ELAPOR2: variants seen among roughly 807,000 people sequenced by gnomAD.
ELAPOR2 encodes the protein endosome/lysosome-associated apoptosis and autophagy regulator family member 2.
ELAPOR2 carries 89 observed loss-of-function variants against 120.7 expected under a neutral mutation model. That is an observed-to-expected ratio of 0.74 (90% CI 0.62 to 0.88). The LOEUF is 0.88. Ranked by LOEUF, ELAPOR2 falls within the 40% of genes least tolerant of loss-of-function variation. The probability of loss-of-function intolerance (pLI) is 0.00; values close to 1 mark genes in which losing one functional copy is unlikely to be tolerated. For missense variants in ELAPOR2, 1,134 were observed against 1,251.6 expected, an observed-to-expected ratio of 0.91 and a Z score of 1.42; for synonymous variants, 444 against 444.9, an observed-to-expected ratio of 1.00 and a Z score of 0.03.
chr7:86,945,677 T>G (rs995852019), intron 3 of ELAPOR2, among the ~76,000 whole-genome samples: 2 of 152,168 alleles, frequency 1.3e-5, no homozygotes, highest in African/African-American at 4.8e-5. Flanking sequence ...TGTTGTAAAA[T>G]TTAACATTAT....
intron 1 of ELAPOR2, among the ~76,000 whole-genome samples, chr7:87,026,734 T>C (rs965513761): frequency 1.3e-5 from 2 of 152,110 alleles, no homozygotes; most frequent in Non-Finnish European, 1.5e-5. Context: ...ATGGGGTCTC[T>C]ACAGTCATTA....
In ELAPOR2 at chr7:86,909,815, T is replaced by C. The variant is rs1408731116; in HGVS notation, c.2356A>G (p.Ile786Val). Residue 786 changes from isoleucine to valine, a missense_variant, in exon 16 of 22, where the codon ATA becomes GTA. Around this residue, in one of 3 missense-constraint regions of ELAPOR2, gnomAD observed 831 missense variants for 867.6 expected, o/e 0.96. Transcript: ENST00000450689. ...SQSIILADTFIGVTVETTLKN... is the reference protein window; with the variant it reads ...SQSIILADTFVGVTVETTLKN... ...ATATGAACCAAAGGAAGCTTACCTATGAATGTATCTGCCAGAATGATGGAT... is the reference window on the plus strand; with the variant it reads ...ATATGAACCAAAGGAAGCTTACCTACGAATGTATCTGCCAGAATGATGGAT... 3.1e-6 allele frequency: 5 copies of C among 1,606,834 alleles called. No individual in the cohort carries two copies. Among genetic ancestry groups the C allele is most frequent in the Non-Finnish European group, 4.2e-6 (5 of 1,176,660 alleles).
At chr7:86,891,587 A>G in intron 21 of ELAPOR2, 137 bp downstream of exon 21, 1 of 645,920 alleles carries the variant, frequency 1.5e-6, no homozygotes, top group South Asian at 2.5e-5. Context: ...ATGTGCTTCT[A>G]AGAGTATTTC....
chr7:86,893,618 A>T (rs1469641508), intron 19 of ELAPOR2, among the ~76,000 whole-genome samples: 2 of 152,084 alleles, frequency 1.3e-5, no homozygotes, highest in Non-Finnish European at 2.9e-5. Context: ...ATACAGGTGC[A>T]CCACGGCTGG....
At chr7:86,997,419 C>T (rs1234458267) in intron 1 of ELAPOR2, among the ~76,000 whole-genome samples, 2 of 152,116 alleles carry the variant, frequency 1.3e-5, no homozygotes, top group East Asian at 3.8e-4. Context: ...CATCCTCCAC[C>T]TCTCATACGG....
At chr7:87,031,267 A>C (rs1794416468) in intron 1 of ELAPOR2, among the ~76,000 whole-genome samples, 1 of 152,196 alleles carries the variant, frequency 6.6e-6, no homozygotes, top group Non-Finnish European at 1.5e-5. Flanking sequence ...TAGAAACATA[A>C]TTTCAATTAG....
At chr7:87,058,296 A>G (rs1192211270) in intron 1 of ELAPOR2, among the ~76,000 whole-genome samples, 1 of 151,844 alleles carries the variant, frequency 6.6e-6, no homozygotes, top group Non-Finnish European at 1.5e-5. Flanking sequence ...TTCTTCCCAG[A>G]GGGGCTATTG....
intron 1 of ELAPOR2, among the ~76,000 whole-genome samples, chr7:87,029,531 A>T (rs1398423432): frequency 6.6e-6 from 1 of 152,214 alleles, no homozygotes; most frequent in African/African-American, 2.4e-5. Flanking sequence ...GGAGCCATAA[A>T]TATTATTTTG....
In ELAPOR2 at chr7:86,918,433, T is replaced by C. The variant is rs1283634484; in HGVS notation, c.1593+9A>G. 4 of 1,576,538 alleles carry C rather than the reference T, an allele frequency of 2.5e-6. No homozygotes were observed. The African/African-American group carries it at 4.1e-5, about 16-fold the overall frequency. ...GAAATCTGCCTTTGAAAGCCGCCCG[T>C]CCACTTACCACCATGAAGTACAAAA... On this transcript the variant is annotated intron_variant, in intron 12 of 21. Coordinates refer to ENST00000450689, the MANE Select transcript of ELAPOR2 (RefSeq NM_001142749.3).
intron 1 of ELAPOR2, among the ~76,000 whole-genome samples, chr7:87,040,124 C>G (rs1426015464): frequency 2.0e-5 from 3 of 152,256 alleles, no homozygotes; most frequent in Non-Finnish European, 4.4e-5. Context: ...GGTCCTACGC[C>G]CACGGAGTCT....
rs1458414268 is a variant in ELAPOR2 at position 86,945,019 on chromosome 7, G to A, written c.534C>T (p.Tyr178=). The A allele has an allele frequency of 1.3e-6, 2 of 1,549,944 alleles. No individual in the cohort carries two copies. Among genetic ancestry groups the A allele is most frequent in the African/African-American group, 2.7e-5 (2 of 72,986 alleles). Residue 178 remains tyrosine, a synonymous_variant, in exon 4 of 22, where the codon TAC becomes TAT. Transcript: ENST00000450689. ...TGCAGTCATCACGATTAGATTCTAT[G>A]TAGTTTCCACGAGGGATCCAAGAAG... ...NNSSWIPRGN[Y]IESNRDDCTV... is the part of the protein sequence containing the mutation.
At chr7:86,911,624 T>C (rs1001903574) in intron 15 of ELAPOR2, 3 of 456,670 alleles carry the variant, frequency 6.6e-6, no homozygotes, top group Non-Finnish European at 1.3e-5. Context: ...AAGCCTACCT[T>C]ATCAACTGAT....
intron 12 of ELAPOR2, among the ~76,000 whole-genome samples, chr7:86,915,382 T>C (rs888213900): frequency 1.3e-5 from 2 of 152,018 alleles, no homozygotes; most frequent in African/African-American, 4.8e-5. Context: ...AAGCAGAATG[T>C]TATTTAATGT....
At position 86,879,475 on chromosome 7, in the gene ELAPOR2, A is replaced by G. The variant is rs1799297984; in HGVS notation, c.*996T>C. 1 of 152,168 alleles carries G rather than the reference A, an allele frequency of 6.6e-6. No homozygotes were observed. Among genetic ancestry groups the G allele is most frequent in the South Asian group, 2.1e-4 (1 of 4,832 alleles). 9.4% of individuals were successfully genotyped at this position (152,168 alleles called of 1,614,324 possible). The stretch of plus-strand genomic sequence containing the variant: ...TTTCTGAGAAAGTCAACATCCTCAA[A>G]GTCTTGCAGCAGAAAAATAACCATA... On this transcript the variant is annotated 3_prime_UTR_variant, in exon 22 of 22. Transcript: ENST00000450689.
At chr7:86,966,830 C>T (rs1242015666) in intron 1 of ELAPOR2, among the ~76,000 whole-genome samples, 3 of 152,106 alleles carry the variant, frequency 2.0e-5, no homozygotes, top group African/African-American at 7.2e-5. Flanking sequence ...CAGGTTCTGG[C>T]GGCTGCCACC....
intron 2 of ELAPOR2, among the ~76,000 whole-genome samples, chr7:86,953,480 C>T (rs1256847107): frequency 6.6e-6 from 1 of 152,158 alleles, no homozygotes; most frequent in Non-Finnish European, 1.5e-5. Flanking sequence ...TAGCCTCATC[C>T]ACTCTCTATG....
At chr7:86,894,494 G>A (rs1788345345) in intron 19 of ELAPOR2, among the ~76,000 whole-genome samples, 1 of 151,842 alleles carries the variant, frequency 6.6e-6, no homozygotes, top group Non-Finnish European at 1.5e-5. Flanking sequence ...TGCCCAATGA[G>A]AACAGCAAGC....
chr7:87,001,391 G>A (rs552986669), intron 1 of ELAPOR2, among the ~76,000 whole-genome samples: 129 of 152,178 alleles, frequency 8.5e-4, no homozygotes, highest in African/African-American at 3.0e-3. Context: ...ATGTCTAAAC[G>A]TGCAAGCTCC....
At chr7:86,985,567 T>A (rs1266856436) in intron 1 of ELAPOR2, among the ~76,000 whole-genome samples, 2 of 152,152 alleles carry the variant, frequency 1.3e-5, no homozygotes, top group Non-Finnish European at 2.9e-5. Flanking sequence ...ATCCATCACA[T>A]AAACAGAACC....
Sources: allele counts gnomAD v4.1 joint callset (sites outside exome capture counted in the v4.1 genomes callset), GRCh38; gene constraint gnomAD v4.1.1; regional missense constraint gnomAD v4.1.1; transcripts MANE v1.5; gene names NCBI Gene and HGNC (gene_info 2026-07-23, HGNC 2026-07-21).